MCPH1: variants seen among roughly 807,000 people sequenced by gnomAD.
MCPH1 encodes the protein microcephalin 1, also known as microcephalin.
MCPH1 carries 104 observed loss-of-function variants against 84.5 expected under a neutral mutation model. That is an observed-to-expected ratio of 1.23 (90% CI 1.05 to 1.45). The LOEUF (loss-of-function observed/expected upper bound fraction) is 1.45. Ranked by LOEUF, MCPH1 falls within the 40% of genes most tolerant of loss-of-function variation. MCPH1 has a pLI of 0.00. For synonymous variants in MCPH1, 514 were observed against 366.8 expected (o/e 1.40, Z -4.58); for missense variants, 1,498 against 1,005.7 (o/e 1.49, Z -6.62).
chr8:6,596,310 G>A (rs73184423), intron 12 of MCPH1, among the ~76,000 whole-genome samples: 2,796 of 152,260 alleles, frequency 0.018, 46 homozygotes, highest in Non-Finnish European at 0.026. Context: ...GAGCTCTGGC[G>A]TTCTTCTTAG....
Position 6,444,856 on chromosome 8 carries a change from G to C in MCPH1, c.1134G>C (p.Arg378Ser). The change falls in exon 8 of 14, where the codon AGG (arginine) becomes AGC (serine). Residue 378 changes from arginine (R) to serine (S), a missense_variant. Transcript: ENST00000344683. ...AATGCAAGAGAAAGAGGAGCACCAG[G>C]AGATCTATCATGCCGAGGCTGCAGC... ...KEKCKRKRSTRRSIMPRLQLC... is the reference protein window; with the variant it reads ...KEKCKRKRSTSRSIMPRLQLC... 1 of 1,614,166 alleles carries C rather than the reference G, an allele frequency of 6.2e-7. No individual in the cohort carries two copies. The highest frequency in any genetic ancestry group is 8.5e-7 in the Non-Finnish European group (1 of 1,180,036).
chr8:6,566,214 C>A (rs905141390), intron 12 of MCPH1, among the ~76,000 whole-genome samples: 1 of 152,242 alleles, frequency 6.6e-6, no homozygotes, highest in Non-Finnish European at 1.5e-5. Flanking sequence ...AAAAACCATT[C>A]TTAGCTCATA....
At chr8:6,526,983 A>C (rs1451008737) in intron 12 of MCPH1, among the ~76,000 whole-genome samples, 2 of 152,218 alleles carry the variant, frequency 1.3e-5, no homozygotes, top group Non-Finnish European at 2.9e-5. Flanking sequence ...GTGTTTGAAG[A>C]GGAAACATTG....
intron 8 of MCPH1, among the ~76,000 whole-genome samples, chr8:6,454,366 T>G (rs1219053274): frequency 2.0e-5 from 3 of 152,212 alleles, no homozygotes; most frequent in Admixed American, 2.0e-4. Context: ...TACATAACTT[T>G]TGCGTCAAAG....
chr8:6,492,065 A>C (rs1238224002), intron 11 of MCPH1, among the ~76,000 whole-genome samples: 4 of 152,184 alleles, frequency 2.6e-5, no homozygotes, highest in Admixed American at 1.3e-4. Context: ...GACTTCCACA[A>C]TGGTTGAACT....
chr8:6,542,961 C>T (rs573060862), intron 12 of MCPH1, among the ~76,000 whole-genome samples: 88 of 152,210 alleles, frequency 5.8e-4, no homozygotes, highest in Admixed American at 2.6e-3. Flanking sequence ...TTTATAAGGC[C>T]GGCAGGAAGC....
chr8:6,409,488 G>A (rs1798237807), intron 2 of MCPH1, 118 bp downstream of exon 2: 3 of 801,294 alleles, frequency 3.7e-6, no homozygotes, highest in African/African-American at 3.4e-5. Context: ...CAATGGGTAA[G>A]CGGTGGGAGA....
intron 12 of MCPH1, among the ~76,000 whole-genome samples, chr8:6,504,688 G>C (rs531847991): frequency 1.3e-5 from 2 of 152,206 alleles, no homozygotes; most frequent in South Asian, 2.1e-4. Context: ...GTACACTAAG[G>C]ATGCTAAGAT....
chr8:6,615,134 C>T (rs1291619836), intron 12 of MCPH1, among the ~76,000 whole-genome samples: 1 of 152,186 alleles, frequency 6.6e-6, no homozygotes, highest in African/African-American at 2.4e-5. Flanking sequence ...CCTGCCGATC[C>T]CCTGGGCTGC....
intron 12 of MCPH1, chr8:6,508,114 G>C (rs1019361874): frequency 6.6e-6 from 1 of 152,166 alleles, no homozygotes; most frequent in African/African-American, 2.4e-5. Flanking sequence ...TAACTCATTT[G>C]TGTTTATAGG....
Position 6,417,018 on chromosome 8 carries a change from G to T in MCPH1, c.233+2135G>T, listed in dbSNP as rs373198473. Among the ~76,000 whole-genome samples, 22 of 151,962 alleles carry T rather than the reference G, an allele frequency of 1.4e-4. No individual in the cohort carries two copies. The East Asian group carries it at 2.5e-3, about 17-fold the overall frequency. On this transcript the variant is annotated intron_variant, in intron 3 of 13. Transcript: ENST00000344683. Reference sequence around the variant, plus strand: ...AAAAAGAGTAAGGGGTCCTTCTCTGGCTTTTGTCAAGATTTTCTCATTATC... The same window carrying T: ...AAAAAGAGTAAGGGGTCCTTCTCTGTCTTTTGTCAAGATTTTCTCATTATC...
chr8:6,407,663 G>C (rs1402865513), intron 1 of MCPH1, among the ~76,000 whole-genome samples: 1 of 152,172 alleles, frequency 6.6e-6, no homozygotes, highest in South Asian at 2.1e-4. Context: ...TTTTTCTAAT[G>C]TTAGTATTTT....
chr8:6,407,124 A>G, intron 1 of MCPH1: 1 of 254,930 alleles, frequency 3.9e-6, no homozygotes, highest in Non-Finnish European at 7.6e-6. Context: ...TCTGGGGCTC[A>G]CTGGCAGGCA....
At chr8:6,424,730 A>C (rs1007251029) in intron 3 of MCPH1, among the ~76,000 whole-genome samples, 3 of 152,232 alleles carry the variant, frequency 2.0e-5, no homozygotes, top group African/African-American at 7.2e-5. Flanking sequence ...AGGTTCCTCC[A>C]GTAGCTCCTG....
chr8:6,626,189 C>G (rs1401854434), intron 13 of MCPH1: 1 of 985,236 alleles, frequency 1.0e-6, no homozygotes, highest in Admixed American at 6.1e-5. Context: ...GCCCGCCACC[C>G]CAGCTGCCCC....
chr8:6,532,153 T>A (rs541693127), intron 12 of MCPH1, among the ~76,000 whole-genome samples: 7 of 152,120 alleles, frequency 4.6e-5, no homozygotes, highest in African/African-American at 9.6e-5. Flanking sequence ...CAAAAACAGA[T>A]TTACTGATTT....
chr8:6,638,619 C>G (rs1171408919), intron 13 of MCPH1, among the ~76,000 whole-genome samples: 3 of 151,146 alleles, frequency 2.0e-5, no homozygotes, highest in Admixed American at 1.3e-4. Context: ...TTAAATTTCA[C>G]GGAGCTGCTC....
chr8:6,615,435 G>C (rs1025048141), intron 12 of MCPH1, among the ~76,000 whole-genome samples: 1 of 152,196 alleles, frequency 6.6e-6, no homozygotes, highest in Non-Finnish European at 1.5e-5. Context: ...CACAACGAAC[G>C]AATGTGCAGG....
At chr8:6,508,663 T>G (rs1349786823) in intron 12 of MCPH1, 2 of 589,682 alleles carry the variant, frequency 3.4e-6, no homozygotes, top group African/African-American at 3.7e-5. Flanking sequence ...GAGAGCTTGC[T>G]AAGAATCAAA....
Sources: gnomAD v4.1 joint callset for allele counts (sites outside exome capture counted in the v4.1 genomes callset) on GRCh38, gnomAD v4.1.1 for gene constraint, MANE v1.5 for transcripts, NCBI Gene and HGNC (gene_info 2026-07-23, HGNC 2026-07-21) for gene names.